Variants in ABLIM1 observed in about 807,000 individuals in gnomAD.
ABLIM1 encodes the protein actin-binding LIM protein 1.
ABLIM1 carries 40 observed loss-of-function variants against 107.0 expected under a neutral mutation model. The ratio of observed to expected loss-of-function variants is 0.37; its 90% CI spans 0.29 to 0.49. ABLIM1 has a LOEUF of 0.49. Ranked by LOEUF, ABLIM1 falls within the 20% of genes least tolerant of loss-of-function variation. ABLIM1 has a pLI of 0.97. For missense variants in ABLIM1, 857 were observed against 1,008.5 expected (o/e 0.85, Z 2.04); for synonymous variants, 357 against 357.3 (o/e 1.00, Z 0.01).
chr10:114,539,619 A>C (rs963473839), intron 6 of ABLIM1, among the ~76,000 whole-genome samples: 2 of 152,172 alleles, frequency 1.3e-5, no homozygotes, highest in East Asian at 3.9e-4. Flanking sequence ...AGCTGCCTTC[A>C]TTTTGAAACT....
At chr10:114,722,660 A>G (rs936921511) in intron 1 of ABLIM1, among the ~76,000 whole-genome samples, 2 of 152,182 alleles carry the variant, frequency 1.3e-5, no homozygotes. Context: ...TTTTCCTGGT[A>G]TTTCTTTTTC....
intron 6 of ABLIM1, among the ~76,000 whole-genome samples, chr10:114,540,083 TA>T (rs2066479667): frequency 6.6e-6 from 1 of 152,116 alleles, no homozygotes; most frequent in African/African-American, 2.4e-5. Flanking sequence ...AAGATCCCCC[TA>T]AAAAGAGAAT....
At chr10:114,481,772 A>T (rs998171697) in intron 8 of ABLIM1, among the ~76,000 whole-genome samples, 2 of 152,200 alleles carry the variant, frequency 1.3e-5, no homozygotes, top group Non-Finnish European at 2.9e-5. Flanking sequence ...CTGTAAAGAC[A>T]CACTCAAAAG....
chr10:114,528,789 T>C (rs1245402826), intron 6 of ABLIM1, among the ~76,000 whole-genome samples: 1 of 152,258 alleles, frequency 6.6e-6, no homozygotes, highest in African/African-American at 2.4e-5. Flanking sequence ...CTGTCTTCAA[T>C]TTTTAAGTGC....
At chr10:114,585,973 A>T (rs1566017663) in intron 2 of ABLIM1, among the ~76,000 whole-genome samples, 1 of 152,186 alleles carries the variant, frequency 6.6e-6, no homozygotes, top group Non-Finnish European at 1.5e-5. Flanking sequence ...ACAGAGATGG[A>T]CAATTATTTT....
chr10:114,615,198 T>C (rs1382627428), intron 1 of ABLIM1, among the ~76,000 whole-genome samples: 1 of 152,192 alleles, frequency 6.6e-6, no homozygotes, highest in South Asian at 2.1e-4. Context: ...ATTACTCCAC[T>C]AATCCTTCTT....
intron 2 of ABLIM1, among the ~76,000 whole-genome samples, chr10:114,597,833 C>T (rs544120599): frequency 6.6e-6 from 1 of 152,272 alleles, no homozygotes; most frequent in Admixed American, 6.5e-5. Context: ...AAAGGCACAG[C>T]ACTCACAGGA....
chr10:114,669,956 A>G (rs1295824498), intron 1 of ABLIM1, among the ~76,000 whole-genome samples: 11 of 152,196 alleles, frequency 7.2e-5, no homozygotes, highest in Admixed American at 7.2e-4. Flanking sequence ...AACAGAGCAA[A>G]TGGTAATGCC....
At chr10:114,604,552 A>G (rs10787539) in intron 1 of ABLIM1, among the ~76,000 whole-genome samples, 101,784 of 152,064 alleles carry the variant, frequency 0.67, 34,839 homozygotes, top group East Asian at 0.88. Context: ...TTCAGCCCCA[A>G]TGACTAGGAG....
intron 6 of ABLIM1, 21 bp downstream of exon 6, chr10:114,544,984 G>A (rs754965498): frequency 6.8e-6 from 11 of 1,611,244 alleles, no homozygotes; most frequent in Non-Finnish European, 9.3e-6. Flanking sequence ...GTAGCTATGA[G>A]GGAGCCGGTC....
intron 1 of ABLIM1, among the ~76,000 whole-genome samples, chr10:114,626,021 G>A (rs1243015267): frequency 6.6e-6 from 1 of 152,180 alleles, no homozygotes; most frequent in Non-Finnish European, 1.5e-5. Flanking sequence ...TTTTTTAGAA[G>A]TAAGCAGGGA....
intron 1 of ABLIM1, among the ~76,000 whole-genome samples, chr10:114,765,663 G>A (rs2082874515): frequency 6.6e-6 from 1 of 152,018 alleles, no homozygotes; most frequent in African/African-American, 2.4e-5. Context: ...ACTCAACTCC[G>A]TAACTACTAA....
chr10:114,794,186 C>T, the ABLIM1 span, among the ~76,000 whole-genome samples: 1 of 152,188 alleles, frequency 6.6e-6, no homozygotes, highest in Non-Finnish European at 1.5e-5. Flanking sequence ...ATTTCTGTCC[C>T]AGATACATAC....
chr10:114,483,634 C>T (rs1404135359), intron 8 of ABLIM1, among the ~76,000 whole-genome samples: 1 of 152,186 alleles, frequency 6.6e-6, no homozygotes, highest in African/African-American at 2.4e-5. Flanking sequence ...AAAAGGTTCT[C>T]TTCTACTCTA....
intron 1 of ABLIM1, among the ~76,000 whole-genome samples, chr10:114,663,653 G>T (rs1030629064): frequency 1.3e-5 from 2 of 152,208 alleles, no homozygotes; most frequent in African/African-American, 4.8e-5. Flanking sequence ...CCTGGTTAGA[G>T]CATAGCTAAG....
rs554035592 is a variant in ABLIM1 at position 114,690,973 on chromosome 10, C to A, written c.-213+77088G>T. Among the ~76,000 whole-genome samples the A allele has an allele frequency of 6.2e-4, 95 of 152,352 alleles. 1 individual carries two copies. The highest frequency in any genetic ancestry group is 5.4e-3 in the South Asian group (26 of 4,830). On this transcript the variant is annotated intron_variant, in intron 1 of 15. Coordinates refer to the ABLIM1 transcript ENST00000651092. Reference sequence around the variant, plus strand: ...CTGCAATTACAGGTGCGAGCCACCTCGCCAGGCCCTGGCTAATATTTTTCA... The same window carrying A: ...CTGCAATTACAGGTGCGAGCCACCTAGCCAGGCCCTGGCTAATATTTTTCA...
At chr10:114,778,315 G>C in the ABLIM1 span, 1 of 152,308 alleles carries the variant, frequency 6.6e-6, no homozygotes. Flanking sequence ...AGTGAGCCAG[G>C]ATTGGGCCAC....
intron 1 of ABLIM1, among the ~76,000 whole-genome samples, chr10:114,615,222 G>A (rs905292340): frequency 2.0e-5 from 3 of 151,880 alleles, no homozygotes; most frequent in Non-Finnish European, 4.4e-5. Context: ...CTGCCCTATG[G>A]AAGATGCGCT....
chr10:114,564,612 G>A (rs1207094733), intron 4 of ABLIM1, among the ~76,000 whole-genome samples: 2 of 151,936 alleles, frequency 1.3e-5, no homozygotes, highest in East Asian at 1.9e-4. Flanking sequence ...CATTTAGACC[G>A]CCTTTCCATG....
Sources: allele counts gnomAD v4.1 joint callset (sites outside exome capture counted in the v4.1 genomes callset), GRCh38; gene constraint gnomAD v4.1.1; transcripts MANE v1.5; gene names NCBI Gene and HGNC (gene_info 2026-07-23, HGNC 2026-07-21).